MMP26: variants seen among roughly 807,000 people sequenced by gnomAD.
MMP26 encodes the protein matrix metalloproteinase-26.
A neutral mutation model predicts 31.0 loss-of-function variants in MMP26; 33 were observed. That is an observed-to-expected ratio of 1.06 (90% CI 0.81 to 1.42). The LOEUF is 1.42. MMP26 is among the 40% of genes most tolerant of loss of function. MMP26 has a pLI of 0.00. For missense variants in MMP26, 347 were observed against 316.1 expected (o/e 1.10, Z -0.74); for synonymous variants, 122 against 114.9 (o/e 1.06, Z -0.40).
At chr11:4,814,065 A>G (rs952179025) in intron 2 of MMP26, among the ~76,000 whole-genome samples, 4 of 152,232 alleles carry the variant, frequency 2.6e-5, no homozygotes, top group African/African-American at 9.6e-5. Context: ...TTCATTAGGT[A>G]AATGAAAGTT....
At chr11:4,736,163 A>G (rs1848237338) in intron 1 of MMP26, 1 of 152,194 alleles carries the variant, frequency 6.6e-6, no homozygotes, top group Admixed American at 6.5e-5. Flanking sequence ...GTCACAACAC[A>G]GATTCCTTGG....
intron 2 of MMP26, among the ~76,000 whole-genome samples, chr11:4,792,075 C>T (rs1414161265): frequency 1.3e-5 from 2 of 151,376 alleles, no homozygotes; most frequent in Non-Finnish European, 2.9e-5. Context: ...CTTATCTGTA[C>T]AATGGAGATA....
chr11:4,988,228 T>G lies in MMP26; in HGVS notation c.17T>G (p.Leu6Ter). MQLVI[L>*]RVTIFLPWCF... Reference sequence around the variant, plus strand: ...GGGTTTGGCATGCAGCTCGTCATCTTAAGAGTTACTATCTTCTTGCCCTGG... The same window carrying G: ...GGGTTTGGCATGCAGCTCGTCATCTGAAGAGTTACTATCTTCTTGCCCTGG... The change falls in exon 3 of 8, where the codon TTA becomes TGA. Residue 6 changes from leucine (L) to a stop codon, truncating the protein, a stop_gained. Coordinates refer to ENST00000380390, the MANE Select transcript of MMP26 (RefSeq NM_021801.5). LOFTEE classifies it high-confidence loss of function. The G allele has an allele frequency of 6.2e-7, 1 of 1,614,128 alleles. No homozygotes were observed. The highest frequency in any genetic ancestry group is 1.3e-5 in the African/African-American group (1 of 75,036).
intron 6 of MMP26, 41 bp from the exon 7 acceptor site, chr11:4,991,918 CCTATG>C: frequency 6.8e-7 from 1 of 1,475,636 alleles, no homozygotes; most frequent in South Asian, 1.4e-5. Context: ...TTCAGCATTC[CCTATG>C]CATAGTTAAT....
chr11:4,769,651 A>G (rs111736749), intron 2 of MMP26: 165,350 of 1,606,818 alleles, frequency 0.1, 9,635 homozygotes, highest in Middle Eastern at 0.15. Context: ...CACGTGCCTC[A>G]AACCAGAGGA....
rs531272997 is a variant in MMP26, at chr11:4,833,057, T to C, written c.-145+65716T>C. 14 of 152,364 alleles carry C rather than the reference T, an allele frequency of 9.2e-5. No individual in the cohort carries two copies. The East Asian group carries it at 2.7e-3, about 29-fold the overall frequency. 9.4% of individuals were successfully genotyped at this position (152,364 alleles called of 1,614,324 possible). A position where few individuals can be genotyped will look rare whatever the true frequency, so the allele number is the denominator to read the frequency against. The stretch of plus-strand genomic sequence containing the variant: ...GAGTAAAGGTCCTGGAAAAATTGGC[T>C]CTGAAGCCTAAATGATGGGGCAAAG... On this transcript the variant is annotated intron_variant, in intron 2 of 7. Coordinates refer to ENST00000380390, the MANE Select transcript of MMP26 (RefSeq NM_021801.5).
At chr11:4,824,717 T>C (rs1489874224) in intron 2 of MMP26, among the ~76,000 whole-genome samples, 1 of 152,176 alleles carries the variant, frequency 6.6e-6, no homozygotes, top group Non-Finnish European at 1.5e-5. Context: ...ATTTGGCATC[T>C]CCACCTAATT....
At chr11:4,979,036 C>T (rs1408060969) in intron 2 of MMP26, among the ~76,000 whole-genome samples, 1 of 151,994 alleles carries the variant, frequency 6.6e-6, no homozygotes, top group African/African-American at 2.4e-5. Flanking sequence ...ACTTGTGAGT[C>T]CTGTCACAAA....
intron 2 of MMP26, among the ~76,000 whole-genome samples, chr11:4,978,699 G>T (rs896991805): frequency 6.6e-6 from 1 of 152,042 alleles, no homozygotes; most frequent in Non-Finnish European, 1.5e-5. Flanking sequence ...ATTGTCTCAC[G>T]TATCATCACT....
chr11:4,989,683 G>C lies in MMP26; in HGVS notation c.135G>C (p.Glu45Asp). 6.2e-7 allele frequency: 1 copy of C among 1,613,462 alleles called. No individual in the cohort carries two copies. Among genetic ancestry groups the C allele is most frequent in the East Asian group, 2.2e-5 (1 of 44,852 alleles). Residue 45 changes from glutamate to aspartate, a missense_variant, in exon 4 of 8, where the codon GAG becomes GAC. Transcript: ENST00000380390. Reference sequence around the variant, plus strand: ...ATCAATTTTTCCTGACCAAGAAGGAGTCGCCACTCCTTACCCAGGAGACAC... The same window carrying C: ...ATCAATTTTTCCTGACCAAGAAGGACTCGCCACTCCTTACCCAGGAGACAC... ...YFHQFFLTKKESPLLTQETQT... is the reference protein window; with the variant it reads ...YFHQFFLTKKDSPLLTQETQT...
intron 1 of MMP26, among the ~76,000 whole-genome samples, chr11:4,739,934 C>T (rs77704044): frequency 0.038 from 5,707 of 152,128 alleles, 361 homozygotes; most frequent in African/African-American, 0.13. Context: ...AAAAATGTCA[C>T]AACAATAAGC....
chr11:4,882,054 T>A, intron 2 of MMP26: 1 of 1,613,944 alleles, frequency 6.2e-7, no homozygotes, highest in Middle Eastern at 1.7e-4. Flanking sequence ...CTTGTCATCA[T>A]TACTAAGCGG....
rs139825451 is a variant in MMP26, at chr11:4,742,329, A to G, written c.-216-24941A>G. Among the ~76,000 whole-genome samples, 65 of 152,328 alleles carry G rather than the reference A, an allele frequency of 4.3e-4. 1 individual carries two copies. Among genetic ancestry groups the G allele is most frequent in the African/African-American group, 1.5e-3 (62 of 41,578 alleles). On this transcript the variant is annotated intron_variant, in intron 1 of 7. Coordinates refer to ENST00000380390, the MANE Select transcript of MMP26 (RefSeq NM_021801.5). ...TAAATTTGGAATGCTACGACAGCAC[A>G]TAAAGAGGGAAACAAGCTCCTTTTG...
chr11:4,820,004 A>G (rs1849473731), intron 2 of MMP26, among the ~76,000 whole-genome samples: 1 of 152,178 alleles, frequency 6.6e-6, no homozygotes, highest in South Asian at 2.1e-4. Flanking sequence ...AGAGAAGCCT[A>G]AAGAGCTTCA....
In MMP26 at chr11:4,819,658, A is replaced by G. The variant is rs140359726; in HGVS notation, c.-145+52317A>G. On this transcript the variant is annotated intron_variant, in intron 2 of 7. Coordinates refer to ENST00000380390, the MANE Select transcript of MMP26 (RefSeq NM_021801.5). Reference sequence around the variant, plus strand: ...CAGTGACACATTCATGACTCACTGCAATCTTGACTTCTGAGCTCAAGAAAT... The same window carrying G: ...CAGTGACACATTCATGACTCACTGCGATCTTGACTTCTGAGCTCAAGAAAT... Among the ~76,000 whole-genome samples the G allele has an allele frequency of 6.2e-3, 855 of 138,454 alleles. 9 individuals are homozygous for G. Among genetic ancestry groups the G allele is most frequent in the Non-Finnish European group, 6.5e-3 (430 of 66,224 alleles). 90.8% of individuals were successfully genotyped at this position (138,454 alleles called of 152,430 possible). A position where few individuals can be genotyped will look rare whatever the true frequency, so the allele number is the denominator to read the frequency against.
At chr11:4,705,362 G>C (rs1336125760) in intron 1 of MMP26, among the ~76,000 whole-genome samples, 1 of 152,206 alleles carries the variant, frequency 6.6e-6, no homozygotes, top group Non-Finnish European at 1.5e-5. Flanking sequence ...CCATTGGCTT[G>C]TTGGGTGAAT....
rs963823899 is a variant in MMP26, at chr11:4,964,970, T to C, written c.-144-23098T>C. On this transcript the variant is annotated intron_variant, in intron 2 of 7. Transcript: ENST00000380390. ...AATTAGGAAGAATAGCTAATGGATG[T>C]TGGGCTTAATACTTAGGTGATGGAA... 2.0e-5 allele frequency among the ~76,000 whole-genome samples: 3 copies of C among 152,126 alleles called. No individual in the cohort carries two copies. In the South Asian group the frequency reaches 6.2e-4, roughly 31 times the overall value.
intron 1 of MMP26, among the ~76,000 whole-genome samples, chr11:4,727,737 A>G (rs2133281082): frequency 6.6e-6 from 1 of 152,324 alleles, no homozygotes; most frequent in African/African-American, 2.4e-5. Flanking sequence ...TGAACCCGGG[A>G]GGTGGAGATT....
At chr11:4,844,972 A>G (rs534274806) in intron 2 of MMP26, among the ~76,000 whole-genome samples, 1 of 152,292 alleles carries the variant, frequency 6.6e-6, no homozygotes, top group South Asian at 2.1e-4. Flanking sequence ...TCTTATTTTC[A>G]GAAGATACGA....
Sources: allele counts gnomAD v4.1 joint callset (sites outside exome capture counted in the v4.1 genomes callset), GRCh38; gene constraint gnomAD v4.1.1; transcripts MANE v1.5; gene names NCBI Gene and HGNC (gene_info 2026-07-23, HGNC 2026-07-21).